The following UBAC2 variants were observed in gnomAD, a reference collection of about 807,000 sequenced individuals.
UBAC2 encodes the protein UBA domain containing 2, also known as ubiquitin-associated domain-containing protein 2.
In UBAC2, 26 loss-of-function variants were observed where a neutral mutation model predicts 44.0. The observed-to-expected ratio is 0.59, with a 90% CI of 0.43 to 0.82. The LOEUF (loss-of-function observed/expected upper bound fraction) is 0.82. Ranked by LOEUF, UBAC2 falls within the 40% of genes least tolerant of loss-of-function variation. UBAC2 has a pLI of 0.00. For synonymous variants in UBAC2, 155 were observed against 154.3 expected (o/e 1.00, Z -0.04); for missense variants, 329 against 419.4 (o/e 0.78, Z 1.88).
chr13:99,358,801 C>A (rs2045225118), intron 7 of UBAC2, among the ~76,000 whole-genome samples: 1 of 152,064 alleles, frequency 6.6e-6, no homozygotes, highest in Admixed American at 6.5e-5. Flanking sequence ...GGATGTCACA[C>A]CCCAAGACAG....
At chr13:99,280,298 G>A (rs144397301) in intron 4 of UBAC2, among the ~76,000 whole-genome samples, 23 of 152,118 alleles carry the variant, frequency 1.5e-4, no homozygotes, top group African/African-American at 4.6e-4. Flanking sequence ...TACTCTGCAT[G>A]TCAGCTAAAT....
At chr13:99,206,933 T>G (rs1437539350) in intron 1 of UBAC2, among the ~76,000 whole-genome samples, 1 of 152,244 alleles carries the variant, frequency 6.6e-6, no homozygotes, top group African/African-American at 2.4e-5. Flanking sequence ...ACACTCAGCT[T>G]TGTTCCTTTC....
chr13:99,231,934 C>CATT (rs1287038689), intron 1 of UBAC2, among the ~76,000 whole-genome samples: 1 of 152,184 alleles, frequency 6.6e-6, no homozygotes, highest in Non-Finnish European at 1.5e-5. Context: ...GTCTTACTGA[C>CATT]ATAATGATCT....
At chr13:99,378,768 G>A (rs1251380445) in intron 8 of UBAC2, among the ~76,000 whole-genome samples, 4 of 152,230 alleles carry the variant, frequency 2.6e-5, no homozygotes, top group Admixed American at 1.3e-4. Context: ...GCAACAGCAT[G>A]TGTGGCATCC....
chr13:99,252,836 A>G (rs150574378), intron 4 of UBAC2, among the ~76,000 whole-genome samples: 78 of 152,142 alleles, frequency 5.1e-4, no homozygotes, highest in Middle Eastern at 6.8e-3. Flanking sequence ...CACAGCATAC[A>G]TTTTCACTTT....
At chr13:99,272,977 T>C (rs929959435) in intron 4 of UBAC2, among the ~76,000 whole-genome samples, 2 of 152,106 alleles carry the variant, frequency 1.3e-5, no homozygotes, top group African/African-American at 4.8e-5. Flanking sequence ...GTAGTATGTA[T>C]TGATATCTAG....
chr13:99,249,509 C>T (rs61970276), intron 4 of UBAC2, among the ~76,000 whole-genome samples: 4,653 of 152,136 alleles, frequency 0.031, 93 homozygotes, highest in Middle Eastern at 0.13. Context: ...CATGTGAGTG[C>T]GTGTGTCTTT....
At chr13:99,271,125 G>A (rs991671530) in intron 4 of UBAC2, among the ~76,000 whole-genome samples, 4 of 152,088 alleles carry the variant, frequency 2.6e-5, no homozygotes, top group African/African-American at 9.7e-5. Flanking sequence ...GTAATTGAGG[G>A]TAAAAGACAG....
chr13:99,201,380 G>A (rs202220209), intron 1 of UBAC2: 58 of 1,593,904 alleles, frequency 3.6e-5, no homozygotes, highest in Non-Finnish European at 4.3e-6. Flanking sequence ...TTCAGCCTCC[G>A]CTTTAGAAGC....
chr13:99,232,510 A>G lies in UBAC2; in HGVS notation c.32-5917A>G, dbSNP rs9554572. ...GCCCAGTGGGCTTAATAAGTAGTTT[A>G]TTGTTTGTAATGATACTGATACTGT... On this transcript the variant is annotated intron_variant, in intron 1 of 8. Coordinates refer to ENST00000403766, the MANE Select transcript of UBAC2 (RefSeq NM_001144072.2). 5.9e-5 allele frequency among the ~76,000 whole-genome samples: 9 copies of G among 151,266 alleles called. No individual in the cohort carries two copies. The East Asian group carries it at 1.7e-3, about 29-fold the overall frequency.
chr13:99,227,211 A>C (rs994059090), intron 1 of UBAC2, among the ~76,000 whole-genome samples: 1 of 151,630 alleles, frequency 6.6e-6, no homozygotes. Context: ...AAAAAAAAAA[A>C]CAACAAAAAA....
chr13:99,332,388 GC>G (rs1303473548), intron 6 of UBAC2, among the ~76,000 whole-genome samples: 1 of 152,220 alleles, frequency 6.6e-6, no homozygotes, highest in Non-Finnish European at 1.5e-5. Context: ...AAAGGATGAA[GC>G]ATCTGGAAAA....
chr13:99,274,891 T>G lies in UBAC2; in HGVS notation c.389+30267T>G, dbSNP rs576817473. Reference sequence around the variant, plus strand: ...CACCACCACTCCCAGCTAATTTTTGTATTCTTTGTAGAGATGAGGTTTCTC... The same window carrying G: ...CACCACCACTCCCAGCTAATTTTTGGATTCTTTGTAGAGATGAGGTTTCTC... On this transcript the variant is annotated intron_variant, in intron 4 of 8. Coordinates refer to ENST00000403766, the MANE Select transcript of UBAC2 (RefSeq NM_001144072.2). Among the ~76,000 whole-genome samples, 3 of 152,054 alleles carry G rather than the reference T, an allele frequency of 2.0e-5. No homozygotes were observed. In the South Asian group the frequency reaches 6.2e-4, roughly 32 times the overall value.
chr13:99,258,823 A>G (rs938082839), intron 4 of UBAC2, among the ~76,000 whole-genome samples: 4 of 152,196 alleles, frequency 2.6e-5, no homozygotes, highest in African/African-American at 9.7e-5. Flanking sequence ...GTACTCCTAA[A>G]TGGAGTCTCA....
At chr13:99,205,419 G>C (rs2042858418) in intron 1 of UBAC2, among the ~76,000 whole-genome samples, 1 of 152,136 alleles carries the variant, frequency 6.6e-6, no homozygotes, top group African/African-American at 2.4e-5. Context: ...GTTGTCAAAC[G>C]CTGCTCCTGT....
chr13:99,321,500 G>T (rs567763890), intron 6 of UBAC2, among the ~76,000 whole-genome samples: 1 of 152,054 alleles, frequency 6.6e-6, no homozygotes, highest in Non-Finnish European at 1.5e-5. Context: ...TAGTAGAGAC[G>T]AGGTTTCACC....
intron 8 of UBAC2, among the ~76,000 whole-genome samples, chr13:99,383,430 C>G (rs1223237757): frequency 6.6e-6 from 1 of 152,228 alleles, no homozygotes; most frequent in Non-Finnish European, 1.5e-5. Flanking sequence ...GACACTCTCT[C>G]CTCTGGTGGG....
At chr13:99,265,716 G>A (rs922949921) in intron 4 of UBAC2, among the ~76,000 whole-genome samples, 4 of 152,126 alleles carry the variant, frequency 2.6e-5, no homozygotes, top group African/African-American at 4.8e-5. Context: ...ATATGGATTC[G>A]ACTGGTGTTT....
chr13:99,350,597 C>A (rs1046329471), intron 7 of UBAC2, among the ~76,000 whole-genome samples: 1 of 152,256 alleles, frequency 6.6e-6, no homozygotes, highest in Non-Finnish European at 1.5e-5. Flanking sequence ...TGCCCCATGC[C>A]TTGCCCTGTG....
Sources: gnomAD v4.1 joint callset for allele counts (sites outside exome capture counted in the v4.1 genomes callset) on GRCh38, gnomAD v4.1.1 for gene constraint, MANE v1.5 for transcripts, NCBI Gene and HGNC (gene_info 2026-07-23, HGNC 2026-07-21) for gene names.